Variants in HAUS7 observed in about 807,000 individuals in gnomAD.
HAUS7 encodes HAUS augmin like complex subunit 7, also known as HAUS augmin-like complex subunit 7.
In HAUS7, 3 loss-of-function variants were observed where a neutral mutation model predicts 28.4. The observed-to-expected ratio is 0.11, with a 90% CI of 0.05 to 0.27. HAUS7 has a LOEUF of 0.27. HAUS7 is among the 10% of genes least tolerant of loss of function. The probability of loss-of-function intolerance (pLI) is 1.00; values close to 1 mark genes in which losing one functional copy is unlikely to be tolerated. For missense variants in HAUS7, 284 were observed against 297.3 expected, an observed-to-expected ratio of 0.96 and a Z score of 0.33; for synonymous variants, 165 against 132.1, an observed-to-expected ratio of 1.25 and a Z score of -1.71.
At chrX:153,454,730 G>A in intron 8 of HAUS7, 3 of 501,320 alleles carry the variant, frequency 6.0e-6, no homozygotes, top group Non-Finnish European at 1.0e-5. Context: ...GGCCCAGTGG[G>A]GATGCCACAC....
At chrX:153,463,277 G>A (rs782464601) in intron 3 of HAUS7, among the ~76,000 whole-genome samples, 1 of 111,852 alleles carries the variant, frequency 8.9e-6, no homozygotes, top group East Asian at 2.8e-4. Flanking sequence ...AGGGTTTGTT[G>A]CAAGAAGTAA....
At chrX:153,482,332 G>A in intron 1 of HAUS7, 2 of 756,614 alleles carry the variant, frequency 2.6e-6, no homozygotes, top group South Asian at 6.7e-5. Flanking sequence ...CCCAGAATCT[G>A]ATGCGGCTGA....
chrX:153,451,992 A>G (rs1172124859), intron 9 of HAUS7, among the ~76,000 whole-genome samples: 1 of 112,595 alleles, frequency 8.9e-6, no homozygotes, highest in African/African-American at 3.2e-5. Flanking sequence ...GAATAAATTC[A>G]CAGTGATTCA....
chrX:153,471,135 C>T (rs1556985286), upstream of HAUS7: 2 of 276,062 alleles, frequency 7.2e-6, no homozygotes, highest in East Asian at 1.0e-4. Flanking sequence ...CTTCTCTTCA[C>T]CATGCTCACG....
intron 1 of HAUS7, chrX:153,483,268 G>C: frequency 2.7e-6 from 2 of 749,874 alleles, no homozygotes; most frequent in Non-Finnish European, 3.2e-6. Context: ...CAACTGGCAG[G>C]TGGGCCCCTC....
Position 153,447,858 on chromosome X carries a change from A to G in HAUS7, c.*20T>C, listed in dbSNP as rs782016571. 78 of 1,179,683 alleles carry G rather than the reference A, an allele frequency of 6.6e-5. 2 individuals carry two copies. In the South Asian group the frequency reaches 1.4e-3, roughly 21 times the overall value. On this transcript the variant is annotated 3_prime_UTR_variant, in exon 10 of 10. Transcript: ENST00000370211. ...CCCGCCCCATCCTGTGCTTTGGCGT[A>G]GGCCATCACTGAAGACTTTCTATTT...
intron 3 of HAUS7, 53 bp from the exon 4 acceptor site, chrX:153,462,724 G>A: frequency 1.0e-6 from 1 of 955,149 alleles, no homozygotes; most frequent in Non-Finnish European, 1.5e-6. Flanking sequence ...GACAGCAGGG[G>A]ACAGCAGACA....
At chrX:153,455,252 G>C (rs977215661) in intron 8 of HAUS7, 19 of 438,006 alleles carry the variant, frequency 4.3e-5, no homozygotes, top group Non-Finnish European at 6.8e-5. Context: ...ACAGCACCTG[G>C]AGGCTGGGAC....
chrX:153,454,644 C>T, intron 8 of HAUS7, 136 bp from the exon 9 acceptor site: 3 of 497,541 alleles, frequency 6.0e-6, no homozygotes, highest in Non-Finnish European at 1.0e-5. Flanking sequence ...ACCTGAAAGA[C>T]AGCCAAGGGT....
chrX:153,469,699 T>TC (rs782813351), intron 1 of HAUS7, among the ~76,000 whole-genome samples: 3 of 111,549 alleles, frequency 2.7e-5, no homozygotes, highest in East Asian at 5.6e-4. Context: ...AGAGTTCAAG[T>TC]CCCCCCATTC....
intron 1 of HAUS7, among the ~76,000 whole-genome samples, chrX:153,469,832 T>C (rs1556984865): frequency 9.1e-6 from 1 of 109,977 alleles, no homozygotes; most frequent in Non-Finnish European, 1.9e-5. Context: ...GAGTCCTAGG[T>C]TTCGGGACTG....
At chrX:153,461,955 G>A (rs1362924277) in intron 4 of HAUS7, 5 of 434,492 alleles carry the variant, frequency 1.2e-5, no homozygotes, top group Non-Finnish European at 1.6e-5. Flanking sequence ...ATTCACTGAC[G>A]TCTTATGTCT....
rs1556981533 is a variant in HAUS7, at chrX:153,454,348, T to G, written c.1045+46A>C. ...AGTGGAGCACAGAAAAGGAAGCCTG[T>G]GCGTGGGGCAGCCCCAGGCAGAGGG... is the stretch of plus-strand genomic sequence containing the variant. On this transcript the variant is annotated intron_variant, in intron 9 of 9. Transcript: ENST00000370211. 4 of 732,423 alleles carry G rather than the reference T, an allele frequency of 5.5e-6. No individual in the cohort carries two copies. The South Asian group carries it at 6.3e-5, about 12-fold the overall frequency. 60.4% of individuals were successfully genotyped at this position (732,423 alleles called of 1,213,427 possible).
At chrX:153,494,681 T>A (rs1355001993) in intron 1 of HAUS7, among the ~76,000 whole-genome samples, 2 of 103,527 alleles carry the variant, frequency 1.9e-5, no homozygotes, top group Non-Finnish European at 2.0e-5. Flanking sequence ...ACTCTCTGGG[T>A]CCTTGTTTGA....
At chrX:153,491,096 A>G (rs2089668757) in intron 1 of HAUS7, among the ~76,000 whole-genome samples, 1 of 111,485 alleles carries the variant, frequency 9.0e-6, no homozygotes, top group African/African-American at 3.3e-5. Flanking sequence ...CCACCCACAG[A>G]GAAGAGGGCC....
At position 153,460,255 on chromosome X, in the gene HAUS7, G is replaced by A. The variant is rs1315933566; in HGVS notation, c.354+2355C>T. ...ACTCAGTGGCTGCCAAGGCCTGAGG[G>A]GAATGGGGAGTGGCTACTCAGTGGT... On this transcript the variant is annotated intron_variant, in intron 4 of 9. Coordinates refer to ENST00000370211, the MANE Select transcript of HAUS7 (RefSeq NM_001385482.1). Among the ~76,000 whole-genome samples, 5 of 112,264 alleles carry A rather than the reference G, an allele frequency of 4.5e-5. No homozygotes were observed. The Admixed American group carries it at 4.7e-4, about 11-fold the overall frequency.
rs1192025067 is a variant in HAUS7, at chrX:153,461,920, A to G, written c.354+690T>C. 3 of 371,384 alleles carry G rather than the reference A, an allele frequency of 8.1e-6. No individual in the cohort carries two copies. The Admixed American group carries it at 1.6e-4, about 20-fold the overall frequency. The allele number at this position is 371,384 out of a possible 1,213,427, so 30.6% of individuals were successfully genotyped here. ...CAAGAGGATGGAAAACACGTGTTCA[A>G]CCAGCCAGTGTACATCTCACATGGA... On this transcript the variant is annotated intron_variant, in intron 4 of 9. Coordinates refer to ENST00000370211, the MANE Select transcript of HAUS7 (RefSeq NM_001385482.1).
chrX:153,491,501 C>A (rs1556989578), intron 1 of HAUS7, among the ~76,000 whole-genome samples: 1 of 112,706 alleles, frequency 8.9e-6, no homozygotes, highest in South Asian at 3.6e-4. Context: ...CTCCTCCCAG[C>A]CCCCTTCTTC....
intron 1 of HAUS7, among the ~76,000 whole-genome samples, chrX:153,490,673 C>T (rs2089666197): frequency 8.9e-6 from 1 of 112,783 alleles, no homozygotes; most frequent in African/African-American, 3.2e-5. Context: ...GAGTGAGGCC[C>T]ACTCAAGGCC....
Sources: gnomAD v4.1 joint callset for allele counts (sites outside exome capture counted in the v4.1 genomes callset) on GRCh38, gnomAD v4.1.1 for gene constraint, MANE v1.5 for transcripts, NCBI Gene and HGNC (gene_info 2026-07-23, HGNC 2026-07-21) for gene names.